The following DTWD2 variants were observed in gnomAD, a reference collection of about 807,000 sequenced individuals.
DTWD2 encodes tRNA-uridine aminocarboxypropyltransferase 2.
Under a neutral mutation model 31.8 loss-of-function variants are expected in DTWD2, and 39 were observed. The ratio of observed to expected loss-of-function variants is 1.22; its 90% CI spans 0.95 to 1.60. The LOEUF (loss-of-function observed/expected upper bound fraction) is 1.60. DTWD2 is among the 40% of genes most tolerant of loss of function. The pLI, the probability that DTWD2 is intolerant of heterozygous loss-of-function variation, is 0.00. For synonymous variants in DTWD2, 180 were observed against 142.8 expected (o/e 1.26, Z -1.86); for missense variants, 515 against 381.5 (o/e 1.35, Z -2.92).
intron 1 of DTWD2, among the ~76,000 whole-genome samples, chr5:118,972,836 G>C (rs796473312): frequency 5.0e-4 from 76 of 152,274 alleles, no homozygotes; most frequent in African/African-American, 1.5e-3. Flanking sequence ...GAATCCATAA[G>C]TGTAATTCAC....
At chr5:118,914,599 A>G (rs1178581678) in intron 4 of DTWD2, among the ~76,000 whole-genome samples, 1 of 152,216 alleles carries the variant, frequency 6.6e-6, no homozygotes, top group Non-Finnish European at 1.5e-5. Flanking sequence ...GCACCAACCA[A>G]TCCTGCTCTC....
chr5:118,836,489 G>C lies in DTWD2; in HGVS notation c.*4428C>G, dbSNP rs1256304925. ...CCTGACCTCGTGATCTACCCACCTC[G>C]GCCTCCCAAAGTGCTGGAATTACAG... On this transcript the variant is annotated 3_prime_UTR_variant, in exon 6 of 6. Coordinates refer to ENST00000510708, the MANE Select transcript of DTWD2 (RefSeq NM_173666.4). Among the ~76,000 whole-genome samples, 1 of 152,004 alleles carries C rather than the reference G, an allele frequency of 6.6e-6. No individual in the cohort carries two copies. Among genetic ancestry groups the C allele is most frequent in the Non-Finnish European group, 1.5e-5 (1 of 68,006 alleles).
chr5:118,928,505 A>G, intron 4 of DTWD2, 32 bp downstream of exon 4: 9 of 1,375,346 alleles, frequency 6.5e-6, no homozygotes, highest in Non-Finnish European at 7.7e-6. Flanking sequence ...TTATATATTT[A>G]TATTTATTCT....
chr5:118,848,243 A>G lies in DTWD2; in HGVS notation c.598-25T>C, dbSNP rs111825532. ...CCTGAAATCAAAAACAAAATAGAAC[A>G]TAATTTTTGTTTTAAATTTAAAATT... is the stretch of plus-strand genomic sequence containing the variant. On this transcript the variant is annotated intron_variant, in intron 4 of 5. Coordinates refer to ENST00000510708, the MANE Select transcript of DTWD2 (RefSeq NM_173666.4). 1.0e-5 allele frequency: 16 copies of G among 1,551,920 alleles called. No individual in the cohort carries two copies. The African/African-American group carries it at 1.3e-4, about 12-fold the overall frequency.
At chr5:118,855,340 C>G (rs552524030) in intron 4 of DTWD2, among the ~76,000 whole-genome samples, 1 of 150,578 alleles carries the variant, frequency 6.6e-6, no homozygotes, top group Non-Finnish European at 1.5e-5. Context: ...GAGGCAGTGT[C>G]TTGCAGGCAA....
intron 4 of DTWD2, among the ~76,000 whole-genome samples, chr5:118,863,555 G>A (rs79939587): frequency 0.024 from 3,654 of 152,262 alleles, 59 homozygotes; most frequent in Non-Finnish European, 0.026. Flanking sequence ...TTCTGTGGGT[G>A]AGTAATGTGT....
At chr5:118,921,591 G>T (rs555106794) in intron 4 of DTWD2, among the ~76,000 whole-genome samples, 1 of 152,042 alleles carries the variant, frequency 6.6e-6, no homozygotes, top group African/African-American at 2.4e-5. Flanking sequence ...GTTAGACCAT[G>T]GGCATTTTGA....
intron 1 of DTWD2, among the ~76,000 whole-genome samples, chr5:118,952,806 T>C (rs754547267): frequency 2.6e-5 from 4 of 152,226 alleles, no homozygotes; most frequent in African/African-American, 9.6e-5. Context: ...CAGGACCACA[T>C]TGCTTATGCT....
chr5:118,851,817 TACCCTAAAACTTA>T (rs1752014160), intron 4 of DTWD2, among the ~76,000 whole-genome samples: 1 of 148,898 alleles, frequency 6.7e-6, no homozygotes, highest in Non-Finnish European at 1.5e-5. Flanking sequence ...TGTGCACATG[TACCCTAAAACTTA>T]AAGTATAATA....
intron 1 of DTWD2, among the ~76,000 whole-genome samples, chr5:118,969,392 T>C (rs1403144890): frequency 2.0e-5 from 3 of 152,156 alleles, no homozygotes; most frequent in South Asian, 2.1e-4. Context: ...GAACTCCCAG[T>C]AGGGGCTCCA....
At chr5:118,855,417 A>C (rs888837571) in intron 4 of DTWD2, among the ~76,000 whole-genome samples, 6 of 149,368 alleles carry the variant, frequency 4.0e-5, no homozygotes, top group African/African-American at 1.5e-4. Context: ...GAATTTTTAA[A>C]ATTTTATTTA....
intron 4 of DTWD2, among the ~76,000 whole-genome samples, chr5:118,926,683 C>A (rs1048593404): frequency 6.6e-6 from 1 of 152,110 alleles, no homozygotes; most frequent in Non-Finnish European, 1.5e-5. Flanking sequence ...GCATCCATCT[C>A]GCCCCTTTTG....
intron 4 of DTWD2, among the ~76,000 whole-genome samples, chr5:118,891,366 T>C (rs1752974655): frequency 1.3e-5 from 2 of 152,172 alleles, no homozygotes; most frequent in Admixed American, 1.3e-4. Flanking sequence ...TGCCTAACTA[T>C]GCCAAGCACG....
At chr5:118,877,642 C>T (rs1752651494) in intron 4 of DTWD2, among the ~76,000 whole-genome samples, 1 of 152,106 alleles carries the variant, frequency 6.6e-6, no homozygotes, top group East Asian at 1.9e-4. Context: ...CAAAGATGCC[C>T]TCTTTCACTA....
intron 4 of DTWD2, among the ~76,000 whole-genome samples, chr5:118,854,718 A>C (rs1342937478): frequency 6.6e-6 from 1 of 152,176 alleles, no homozygotes; most frequent in Non-Finnish European, 1.5e-5. Context: ...CAAGGTAGTC[A>C]ACTCAAGAAA....
intron 4 of DTWD2, among the ~76,000 whole-genome samples, chr5:118,927,415 T>C (rs892042504): frequency 1.6e-4 from 25 of 152,026 alleles, no homozygotes; most frequent in Non-Finnish European, 2.8e-4. Context: ...AAATAAACTA[T>C]AATAGCCAAT....
intron 4 of DTWD2, among the ~76,000 whole-genome samples, chr5:118,849,777 T>C (rs548945877): frequency 7.3e-4 from 111 of 152,032 alleles, no homozygotes; most frequent in Non-Finnish European, 1.5e-3. Context: ...AACACAGGAA[T>C]CGAAAACCAA....
At chr5:118,903,294 T>A (rs1474014050) in intron 4 of DTWD2, among the ~76,000 whole-genome samples, 4 of 152,002 alleles carry the variant, frequency 2.6e-5, no homozygotes, top group Admixed American at 6.6e-5. Context: ...TGTGTTTTCA[T>A]AAGTACAAAA....
intron 4 of DTWD2, among the ~76,000 whole-genome samples, chr5:118,849,519 T>C (rs575397401): frequency 1.2e-3 from 187 of 152,320 alleles, no homozygotes; most frequent in African/African-American, 4.3e-3. Flanking sequence ...AGCAATCCCA[T>C]TACTGGGTAT....
Sources: allele counts gnomAD v4.1 joint callset (sites outside exome capture counted in the v4.1 genomes callset), GRCh38; gene constraint gnomAD v4.1.1; transcripts MANE v1.5; gene names NCBI Gene and HGNC (gene_info 2026-07-23, HGNC 2026-07-21).